Variants in RFX4 observed in about 807,000 individuals in gnomAD.
RFX4 encodes regulatory factor X4.
Under a neutral mutation model 95.0 loss-of-function variants are expected in RFX4, and 10 were observed. That is an observed-to-expected ratio of 0.11 (90% CI 0.06 to 0.18). RFX4 has a LOEUF of 0.18. RFX4 is among the 10% of genes least tolerant of loss of function. The probability of loss-of-function intolerance (pLI) is 1.00; values close to 1 mark genes in which losing one functional copy is unlikely to be tolerated. For synonymous variants in RFX4, 321 were observed against 340.7 expected (o/e 0.94, Z 0.64); for missense variants, 640 against 922.0 (o/e 0.69, Z 3.96).
intron 4 of RFX4, chr12:106,680,983 A>G (rs1396050003): frequency 6.6e-6 from 1 of 152,216 alleles, no homozygotes; most frequent in Non-Finnish European, 1.5e-5. Context: ...GTCGAGTTCC[A>G]GAGTTCTTGC....
At position 106,732,788 on chromosome 12, in the gene RFX4, G is replaced by A. The variant is rs182039546; in HGVS notation, c.1472-136G>A. ...AGAAATTGCCTTGAGTGTCATGATG[G>A]TGATGGGAAACCATCGAAGAGTTTG... On this transcript the variant is annotated intron_variant, in intron 14 of 17. Transcript: ENST00000392842. 214 of 737,224 alleles carry A rather than the reference G, an allele frequency of 2.9e-4. 1 individual carries two copies. The highest frequency in any genetic ancestry group is 5.1e-4 in the Admixed American group (19 of 37,478). 45.7% of individuals were successfully genotyped at this position (737,224 alleles called of 1,614,324 possible).
chr12:106,750,205 G>A (rs375973442), intron 16 of RFX4, among the ~76,000 whole-genome samples: 6 of 152,240 alleles, frequency 3.9e-5, no homozygotes, highest in Admixed American at 6.5e-5. Context: ...GGCCGGACAC[G>A]GTAGCTCATG....
intron 4 of RFX4, 28 bp from the exon 5 acceptor site, chr12:106,681,965 G>A: frequency 6.2e-7 from 1 of 1,613,356 alleles, no homozygotes; most frequent in Non-Finnish European, 8.5e-7. Context: ...CTTCCCAATG[G>A]GTAACTGATT....
At chr12:106,650,506 G>T (rs1201899504) in intron 3 of RFX4, among the ~76,000 whole-genome samples, 3 of 152,196 alleles carry the variant, frequency 2.0e-5, no homozygotes, top group African/African-American at 4.8e-5. Context: ...GCTGAGGTGG[G>T]AGGATCACTT....
At chr12:106,694,951 C>T (rs186743266) in intron 7 of RFX4, among the ~76,000 whole-genome samples, 9 of 152,220 alleles carry the variant, frequency 5.9e-5, no homozygotes, top group Admixed American at 3.9e-4. Flanking sequence ...ACAGGAGAAT[C>T]GCTTGAACCC....
intron 2 of RFX4, among the ~76,000 whole-genome samples, chr12:106,634,420 C>T (rs778199317): frequency 1.4e-4 from 21 of 152,274 alleles, no homozygotes; most frequent in African/African-American, 3.4e-4. Flanking sequence ...AACCTTTCCC[C>T]GCAGATGGCT....
At chr12:106,716,067 G>T (rs1302951002) in intron 11 of RFX4, among the ~76,000 whole-genome samples, 1 of 152,132 alleles carries the variant, frequency 6.6e-6, no homozygotes, top group African/African-American at 2.4e-5. Flanking sequence ...GCAGACTGCA[G>T]GTATACTGCT....
Position 106,715,269 on chromosome 12 carries a change from T to C in RFX4, c.994-131T>C, listed in dbSNP as rs957284077. On this transcript the variant is annotated intron_variant, in intron 10 of 17. Coordinates refer to ENST00000392842, the MANE Select transcript of RFX4 (RefSeq NM_213594.3). ...AGAGTCTTCTGGTGCTTTCCTGAAA[T>C]TGAATTTCCCGGAATTTCAGGGTAG... 15 of 1,035,182 alleles carry C rather than the reference T, an allele frequency of 1.4e-5. No homozygotes were observed. The African/African-American group carries it at 1.9e-4, about 13-fold the overall frequency. 64.1% of individuals were successfully genotyped at this position (1,035,182 alleles called of 1,614,324 possible). A position where few individuals can be genotyped will look rare whatever the true frequency, so the allele number is the denominator to read the frequency against.
chr12:106,733,098 C>T lies in RFX4; in HGVS notation c.1633+13C>T. On this transcript the variant is annotated intron_variant, in intron 15 of 17. Transcript: ENST00000392842. The stretch of plus-strand genomic sequence containing the variant: ...CTCAGCACTACAGGTAATGGAAAGT[C>T]CTTCAAAAACTTTGGGTAGTTAATG... The T allele has an allele frequency of 6.2e-7, 1 of 1,613,352 alleles. No homozygotes were observed. The highest frequency in any genetic ancestry group is 1.1e-5 in the South Asian group (1 of 90,956).
At position 106,714,068 on chromosome 12, in the gene RFX4, C is replaced by CAAA. The variant is rs58283896; in HGVS notation, c.994-1311_994-1309dup. 4.5e-3 allele frequency among the ~76,000 whole-genome samples: 136 copies of CAAA among 30,384 alleles called. 9 individuals are homozygous for CAAA. The highest frequency in any genetic ancestry group is 0.013 in the African/African-American group (85 of 6,474). 19.9% of individuals were successfully genotyped at this position (30,384 alleles called of 152,430 possible). On this transcript the variant is annotated intron_variant, in intron 10 of 17. Transcript: ENST00000392842. ...GGGCAACAAGAGTGAAACTCCATCT[C>CAAA]AAAAAAAAAAAAAAAAAAAAAAAGC...
At chr12:106,692,239 G>T (rs187700674) in intron 7 of RFX4, among the ~76,000 whole-genome samples, 1 of 152,102 alleles carries the variant, frequency 6.6e-6, no homozygotes, top group East Asian at 1.9e-4. Flanking sequence ...AAGCTGTAAA[G>T]TTCAGTAGTC....
chr12:106,587,233 G>C (rs1391957956), intron 1 of RFX4, among the ~76,000 whole-genome samples: 1 of 152,202 alleles, frequency 6.6e-6, no homozygotes, highest in Non-Finnish European at 1.5e-5. Flanking sequence ...CCAGAGACTC[G>C]GAAAAGTTTG....
At chr12:106,611,515 C>CTT (rs60164967) in intron 2 of RFX4, among the ~76,000 whole-genome samples, 16 of 140,436 alleles carry the variant, frequency 1.1e-4, no homozygotes, top group South Asian at 2.3e-4. Flanking sequence ...CAGCTTTATT[C>CTT]TTTTTTTTTT....
chr12:106,635,906 AG>A (rs2040501335), intron 2 of RFX4, among the ~76,000 whole-genome samples: 1 of 152,216 alleles, frequency 6.6e-6, no homozygotes, highest in Non-Finnish European at 1.5e-5. Context: ...TGTGAACAAC[AG>A]AGGTTGAGTA....
intron 1 of RFX4, chr12:106,601,436 T>G (rs1181070778): frequency 7.5e-7 from 1 of 1,341,490 alleles, no homozygotes; most frequent in Non-Finnish European, 1.0e-6. Context: ...TAGCTGTGAG[T>G]GTGGCATGTC....
intron 13 of RFX4, among the ~76,000 whole-genome samples, chr12:106,729,499 T>C (rs564528218): frequency 5.3e-5 from 8 of 152,314 alleles, no homozygotes; most frequent in African/African-American, 1.9e-4. Flanking sequence ...CACATAACGA[T>C]TGAGGAGCAA....
chr12:106,629,961 A>G (rs1430565669), intron 2 of RFX4, among the ~76,000 whole-genome samples: 1 of 152,082 alleles, frequency 6.6e-6, no homozygotes, highest in Non-Finnish European at 1.5e-5. Flanking sequence ...TGCGGTTGTG[A>G]TTTGGATTTT....
At chr12:106,750,875 T>G in intron 17 of RFX4, 82 bp downstream of exon 17, 4 of 1,297,224 alleles carry the variant, frequency 3.1e-6, no homozygotes, top group Non-Finnish European at 3.0e-6. Context: ...TAAACTGTTA[T>G]GCATACTGTG....
At chr12:106,628,891 C>T (rs1206015835) in intron 2 of RFX4, among the ~76,000 whole-genome samples, 1 of 151,422 alleles carries the variant, frequency 6.6e-6, no homozygotes, top group East Asian at 1.9e-4. Flanking sequence ...TCCTGAGTAG[C>T]TAGGATTACA....
Sources: gnomAD v4.1 joint callset for allele counts (sites outside exome capture counted in the v4.1 genomes callset) on GRCh38, gnomAD v4.1.1 for gene constraint, MANE v1.5 for transcripts, NCBI Gene and HGNC (gene_info 2026-07-23, HGNC 2026-07-21) for gene names.